The following TACR1 variants were observed in gnomAD, a reference collection of about 807,000 sequenced individuals.
The protein encoded by TACR1 is tachykinin receptor 1.
A neutral mutation model predicts 35.8 loss-of-function variants in TACR1; 25 were observed. The observed-to-expected ratio is 0.70, with a 90% CI of 0.51 to 0.98. The LOEUF (loss-of-function observed/expected upper bound fraction) is 0.98, where lower values mean the gene tolerates loss of function less well. TACR1 is among the 50% of genes least tolerant of loss of function. TACR1 has a pLI of 0.00. For synonymous variants in TACR1, 195 were observed against 206.7 expected (o/e 0.94, Z 0.48); for missense variants, 478 against 522.9 (o/e 0.91, Z 0.84).
At chr2:75,118,277 T>A (rs1228604053) in intron 2 of TACR1, among the ~76,000 whole-genome samples, 1 of 152,268 alleles carries the variant, frequency 6.6e-6, no homozygotes, top group Non-Finnish European at 1.5e-5. Context: ...AAAGCTATGC[T>A]ATGCACTTAT....
chr2:75,177,603 T>A lies in TACR1; in HGVS notation c.389+20943A>T, dbSNP rs117117382. ...TCTCTAGCCCATTGATTGCACCACT[T>A]TTATCTTCTATCTCCTACCCACGTC... On this transcript the variant is annotated intron_variant, in intron 1 of 4. Transcript: ENST00000305249. Among the ~76,000 whole-genome samples, 315 of 152,248 alleles carry A rather than the reference T, an allele frequency of 2.1e-3. 7 individuals are homozygous for A. In the East Asian group the frequency reaches 0.037, roughly 18 times the overall value.
At position 75,049,687 on chromosome 2, in the gene TACR1, G is replaced by A. The variant is rs199619032; in HGVS notation, c.969C>T (p.Cys323=). The change falls in exon 5 of 5, where the codon TGC becomes TGT. Residue 323 remains cysteine, a synonymous_variant. Coordinates refer to ENST00000305249, the MANE Select transcript of TACR1 (RefSeq NM_001058.4). ...RLGFKHAFRC[C]PFISAGDYEG... The stretch of plus-strand genomic sequence containing the variant: ...CATAGTCGCCGGCGCTGATGAAGGG[G>A]CAGCACCGGAAGGCATGCTTGAAGC... The A allele has an allele frequency of 5.6e-6, 9 of 1,613,988 alleles. No homozygotes were observed. Among genetic ancestry groups the A allele is most frequent in the Non-Finnish European group, 7.6e-6 (9 of 1,180,012 alleles).
At chr2:75,164,654 C>G (rs751102216) in intron 1 of TACR1, among the ~76,000 whole-genome samples, 2 of 152,136 alleles carry the variant, frequency 1.3e-5, no homozygotes, top group Non-Finnish European at 1.5e-5. Context: ...ATAACTATTC[C>G]TGTACAAAGA....
intron 1 of TACR1, among the ~76,000 whole-genome samples, chr2:75,129,968 C>A (rs1443076602): frequency 6.6e-6 from 1 of 152,166 alleles, no homozygotes. Context: ...TTTATTCGAA[C>A]TAAAAAGCCA....
chr2:75,134,081 G>A (rs1269014494), intron 1 of TACR1, among the ~76,000 whole-genome samples: 1 of 152,154 alleles, frequency 6.6e-6, no homozygotes, highest in Non-Finnish European at 1.5e-5. Context: ...AAAAAGGGGA[G>A]GCATGAATAA....
chr2:75,056,794 C>CA (rs374826168), intron 2 of TACR1, among the ~76,000 whole-genome samples: 26 of 151,846 alleles, frequency 1.7e-4, no homozygotes, highest in African/African-American at 4.8e-4. Flanking sequence ...TTGAAAACAA[C>CA]AAAAAAAATG....
At chr2:75,077,341 C>G (rs746982724) in intron 2 of TACR1, among the ~76,000 whole-genome samples, 21 of 152,180 alleles carry the variant, frequency 1.4e-4, no homozygotes, top group Admixed American at 4.6e-4. Context: ...GATTTGAACT[C>G]AGGTCTTTTA....
chr2:75,178,626 T>C (rs1412788368), intron 1 of TACR1, among the ~76,000 whole-genome samples: 1 of 152,180 alleles, frequency 6.6e-6, no homozygotes, highest in East Asian at 1.9e-4. Flanking sequence ...TCCCCTCACA[T>C]TCTTCTGTTA....
chr2:75,155,576 C>G (rs1376730792), intron 1 of TACR1, among the ~76,000 whole-genome samples: 1 of 152,198 alleles, frequency 6.6e-6, no homozygotes, highest in African/African-American at 2.4e-5. Context: ...ATCTCCTGTT[C>G]TAAGGGTCAC....
chr2:75,184,613 A>C (rs13002046), intron 1 of TACR1, among the ~76,000 whole-genome samples: 28,095 of 151,652 alleles, frequency 0.19, 3,200 homozygotes, highest in Admixed American at 0.26. Context: ...ATTAAAAAAT[A>C]AATAGCCTTC....
intron 2 of TACR1, among the ~76,000 whole-genome samples, chr2:75,094,855 ATATATTTT>A (rs1673384852): frequency 1.1e-5 from 1 of 87,920 alleles, no homozygotes; most frequent in Admixed American, 1.0e-4. Flanking sequence ...ATATATATAT[ATATATTTT>A]TTTTTTTTTT....
At chr2:75,072,352 G>T (rs114423962) in intron 2 of TACR1, among the ~76,000 whole-genome samples, 2 of 152,178 alleles carry the variant, frequency 1.3e-5, no homozygotes, top group Non-Finnish European at 2.9e-5. Flanking sequence ...CTGAAAGATC[G>T]CCAAGTATCA....
chr2:75,143,555 C>T (rs1459480713), intron 1 of TACR1, among the ~76,000 whole-genome samples: 3 of 152,318 alleles, frequency 2.0e-5, no homozygotes, highest in East Asian at 3.9e-4. Context: ...ATTGAGTTTT[C>T]ATGGTATTCC....
chr2:75,172,427 G>A (rs1675309775), intron 1 of TACR1, among the ~76,000 whole-genome samples: 1 of 152,122 alleles, frequency 6.6e-6, no homozygotes, highest in Non-Finnish European at 1.5e-5. Flanking sequence ...ATCTGAGAAG[G>A]AATATGAGAA....
intron 2 of TACR1, among the ~76,000 whole-genome samples, chr2:75,095,538 C>G (rs527959563): frequency 1.9e-3 from 284 of 152,254 alleles, no homozygotes; most frequent in Middle Eastern, 3.4e-3. Flanking sequence ...GGTTTAAGCA[C>G]TGGCACGAAT....
At chr2:75,134,465 T>A (rs950106151) in intron 1 of TACR1, among the ~76,000 whole-genome samples, 13 of 152,206 alleles carry the variant, frequency 8.5e-5, no homozygotes, top group African/African-American at 3.1e-4. Context: ...CAATTTGCTG[T>A]GTGCTCCAGA....
At chr2:75,113,659 A>T (rs1478556718) in intron 2 of TACR1, among the ~76,000 whole-genome samples, 1 of 146,882 alleles carries the variant, frequency 6.8e-6, no homozygotes, top group Non-Finnish European at 1.5e-5. Context: ...TCTCCATTTA[A>T]TTGCTTTTCA....
intron 2 of TACR1, among the ~76,000 whole-genome samples, chr2:75,072,388 G>C (rs1472864254): frequency 2.0e-5 from 3 of 152,172 alleles, no homozygotes; most frequent in African/African-American, 7.2e-5. Flanking sequence ...CAACTAGCCT[G>C]GTTTCCCGTC....
chr2:75,142,328 G>T (rs1572953826), intron 1 of TACR1, among the ~76,000 whole-genome samples: 1 of 152,296 alleles, frequency 6.6e-6, no homozygotes, highest in South Asian at 2.1e-4. Flanking sequence ...TTTCACAATA[G>T]CCTCTCTTAT....
Sources: allele counts gnomAD v4.1 joint callset (sites outside exome capture counted in the v4.1 genomes callset), GRCh38; gene constraint gnomAD v4.1.1; transcripts MANE v1.5; gene names NCBI Gene and HGNC (gene_info 2026-07-23, HGNC 2026-07-21).